ERC2: variants seen among roughly 807,000 people sequenced by gnomAD.
ERC2 encodes the protein ERC protein 2.
Under a neutral mutation model 114.8 loss-of-function variants are expected in ERC2, and 42 were observed. The ratio of observed to expected loss-of-function variants is 0.37; its 90% CI spans 0.29 to 0.47. The LOEUF (loss-of-function observed/expected upper bound fraction) is 0.47. ERC2 is among the 20% of genes least tolerant of loss of function. The pLI is 0.99. For missense variants in ERC2, 939 were observed against 1,150.7 expected, an observed-to-expected ratio of 0.82 and a Z score of 2.66; for synonymous variants, 454 against 425.5, an observed-to-expected ratio of 1.07 and a Z score of -0.82.
chr3:55,628,573 T>C (rs566320599), intron 17 of ERC2, among the ~76,000 whole-genome samples: 2 of 152,318 alleles, frequency 1.3e-5, no homozygotes, highest in East Asian at 3.9e-4. Context: ...ACTGTTTTTA[T>C]GAAGATCAAT....
At chr3:56,333,905 G>C (rs2057741639) in intron 2 of ERC2, among the ~76,000 whole-genome samples, 1 of 152,008 alleles carries the variant, frequency 6.6e-6, no homozygotes, top group Non-Finnish European at 1.5e-5. Context: ...GCCACTCTTG[G>C]GAGGCTCTTT....
intron 1 of ERC2, among the ~76,000 whole-genome samples, chr3:56,447,516 C>A (rs1399687638): frequency 1.3e-5 from 2 of 152,034 alleles, no homozygotes; most frequent in Non-Finnish European, 2.9e-5. Flanking sequence ...TGGGTTCCAG[C>A]ATTTTGGATT....
At chr3:56,001,890 C>A (rs1006885559) in intron 10 of ERC2, among the ~76,000 whole-genome samples, 2 of 152,086 alleles carry the variant, frequency 1.3e-5, no homozygotes, top group Non-Finnish European at 2.9e-5. Context: ...TTTAAACACT[C>A]ATTTTTTCCC....
chr3:55,813,840 G>C (rs2059809117), intron 14 of ERC2, among the ~76,000 whole-genome samples: 1 of 152,106 alleles, frequency 6.6e-6, no homozygotes, highest in Non-Finnish European at 1.5e-5. Flanking sequence ...TTAAATGCAA[G>C]TCCCTCCATT....
chr3:55,682,575 G>A (rs368370971), intron 17 of ERC2, among the ~76,000 whole-genome samples: 3 of 152,072 alleles, frequency 2.0e-5, no homozygotes, highest in Admixed American at 6.5e-5. Flanking sequence ...CAGGCCAAAC[G>A]TACCAGCTCT....
intron 3 of ERC2, among the ~76,000 whole-genome samples, chr3:56,258,149 C>T (rs1243193389): frequency 6.6e-6 from 1 of 152,184 alleles, no homozygotes; most frequent in Non-Finnish European, 1.5e-5. Context: ...CACAGCAGAT[C>T]CTAGACTCTA....
At chr3:55,757,903 A>G (rs923124097) in intron 14 of ERC2, among the ~76,000 whole-genome samples, 4 of 151,956 alleles carry the variant, frequency 2.6e-5, no homozygotes, top group Non-Finnish European at 5.9e-5. Flanking sequence ...TTCCTCTTGG[A>G]AAAAAAATTC....
chr3:56,360,539 G>A (rs1449416927), intron 2 of ERC2, among the ~76,000 whole-genome samples: 1 of 152,156 alleles, frequency 6.6e-6, no homozygotes, highest in Non-Finnish European at 1.5e-5. Context: ...AAGGAGGAAA[G>A]GTCTCAACCC....
intron 3 of ERC2, among the ~76,000 whole-genome samples, chr3:56,232,509 T>C (rs991067883): frequency 2.6e-5 from 4 of 152,164 alleles, no homozygotes; most frequent in Non-Finnish European, 4.4e-5. Context: ...TGTGCTCCAG[T>C]AGCCTCCATT....
chr3:55,651,393 T>C (rs1179437180), intron 17 of ERC2, among the ~76,000 whole-genome samples: 1 of 151,936 alleles, frequency 6.6e-6, no homozygotes, highest in African/African-American at 2.4e-5. Context: ...TTTTAAAGCT[T>C]ACATTAAATT....
chr3:55,751,966 G>A (rs549246840), intron 14 of ERC2, among the ~76,000 whole-genome samples: 16 of 152,306 alleles, frequency 1.1e-4, no homozygotes, highest in African/African-American at 3.8e-4. Context: ...AAAGAAAAGA[G>A]CTAACAAGTG....
chr3:55,583,091 G>C (rs1219434986), intron 17 of ERC2, among the ~76,000 whole-genome samples: 1 of 152,162 alleles, frequency 6.6e-6, no homozygotes, highest in Admixed American at 6.5e-5. Context: ...TGCCATTATT[G>C]TATCATCCTT....
chr3:56,446,978 G>A (rs949495741), intron 1 of ERC2, among the ~76,000 whole-genome samples: 1 of 152,158 alleles, frequency 6.6e-6, no homozygotes, highest in African/African-American at 2.4e-5. Context: ...AAAGAGCTTC[G>A]AGAAACAGTG....
At chr3:55,830,622 T>G (rs2060526595) in intron 14 of ERC2, among the ~76,000 whole-genome samples, 1 of 152,176 alleles carries the variant, frequency 6.6e-6, no homozygotes, top group Non-Finnish European at 1.5e-5. Context: ...GTTAGGTACC[T>G]GTATAGTAAT....
intron 3 of ERC2, among the ~76,000 whole-genome samples, chr3:56,189,627 C>A (rs956769432): frequency 2.0e-5 from 3 of 152,194 alleles, no homozygotes; most frequent in Non-Finnish European, 4.4e-5. Flanking sequence ...GTGAACAAGT[C>A]CGGGCCAATC....
intron 2 of ERC2, among the ~76,000 whole-genome samples, chr3:56,324,538 A>G (rs182387476): frequency 7.4e-4 from 112 of 152,310 alleles, no homozygotes; most frequent in African/African-American, 2.6e-3. Flanking sequence ...AAAGTCAAAA[A>G]TCAAAGCCAA....
At chr3:56,351,530 A>T (rs568001346) in intron 2 of ERC2, among the ~76,000 whole-genome samples, 32 of 152,332 alleles carry the variant, frequency 2.1e-4, no homozygotes, top group Middle Eastern at 3.4e-3. Flanking sequence ...AAAGAAAAAG[A>T]AAGAAAGAAA....
intron 3 of ERC2, among the ~76,000 whole-genome samples, chr3:56,280,691 A>G (rs990255626): frequency 6.6e-6 from 1 of 152,206 alleles, no homozygotes; most frequent in African/African-American, 2.4e-5. Flanking sequence ...AGGTCTACCG[A>G]GTTTTCATGT....
At chr3:55,962,134 A>G (rs911856424) in intron 12 of ERC2, among the ~76,000 whole-genome samples, 5 of 152,212 alleles carry the variant, frequency 3.3e-5, no homozygotes, top group Non-Finnish European at 1.5e-5. Context: ...GGCCGAGGTC[A>G]AAAAAGAAAA....
Sources: allele counts gnomAD v4.1 joint callset (sites outside exome capture counted in the v4.1 genomes callset), GRCh38; gene constraint gnomAD v4.1.1; transcripts MANE v1.5; gene names NCBI Gene and HGNC (gene_info 2026-07-23, HGNC 2026-07-21).